RGS8: variants seen among roughly 807,000 people sequenced by gnomAD.
RGS8 encodes regulator of G protein signaling 8.
Under a neutral mutation model 21.7 loss-of-function variants are expected in RGS8, and 8 were observed. The observed-to-expected ratio is 0.37, with a 90% CI of 0.22 to 0.66. RGS8 has a LOEUF of 0.66. Among genes scored for constraint, RGS8 ranks in the 30% least tolerant of loss-of-function variants. The probability of loss-of-function intolerance (pLI) is 0.59; values close to 1 mark genes in which losing one functional copy is unlikely to be tolerated. For synonymous variants in RGS8, 80 were observed against 83.6 expected, an observed-to-expected ratio of 0.96 and a Z score of 0.24; for missense variants, 157 against 217.9, an observed-to-expected ratio of 0.72 and a Z score of 1.76.
intron 1 of RGS8, among the ~76,000 whole-genome samples, chr1:182,678,187 T>C (rs1472426003): frequency 1.3e-5 from 2 of 152,210 alleles, no homozygotes; most frequent in Non-Finnish European, 2.9e-5. Context: ...TATGCTATCA[T>C]GAACAGCTTC....
chr1:182,677,240 T>C (rs1218779252), upstream of RGS8, among the ~76,000 whole-genome samples: 1 of 152,180 alleles, frequency 6.6e-6, no homozygotes, highest in Non-Finnish European at 1.5e-5. Context: ...TCATCATGGA[T>C]AAAATGAAGA....
the RGS8 span, among the ~76,000 whole-genome samples, chr1:182,738,531 T>C: frequency 1.3e-5 from 2 of 152,246 alleles, no homozygotes; most frequent in Non-Finnish European, 2.9e-5. Context: ...GGTCAATTAT[T>C]TGGTGTTATT....
the RGS8 span, among the ~76,000 whole-genome samples, chr1:182,711,340 A>G: frequency 2.0e-4 from 31 of 152,110 alleles, no homozygotes; most frequent in Non-Finnish European, 3.4e-4. Context: ...ATACCAATCC[A>G]TTGTCTATCA....
At chr1:182,742,758 A>T in the RGS8 span, among the ~76,000 whole-genome samples, 1 of 151,986 alleles carries the variant, frequency 6.6e-6, no homozygotes, top group East Asian at 1.9e-4. Context: ...AGGGACAGGG[A>T]CAGGGACAGG....
At position 182,684,187 on chromosome 1, in the gene RGS8, G is replaced by A. The variant is rs1046183208; in HGVS notation, n.221+169C>T. 5.9e-5 allele frequency among the ~76,000 whole-genome samples: 9 copies of A among 152,306 alleles called. No homozygotes were observed. Among genetic ancestry groups the A allele is most frequent in the South Asian group, 2.1e-4 (1 of 4,828 alleles). Reference sequence around the variant, plus strand: ...CACCCTTGCTCCTGGCGGAGGTGGCGGGCTTAATAGCTCTGAGGAGTCAGA... The same window carrying A: ...CACCCTTGCTCCTGGCGGAGGTGGCAGGCTTAATAGCTCTGAGGAGTCAGA... On this transcript the variant is annotated intron_variant and non_coding_transcript_variant, in intron 1 of 4. Transcript: ENST00000515211. The surrounding 1 kb of genome is among the most constrained non-coding windows in gnomAD (Gnocchi z 4.2).
chr1:182,743,957 T>C, the RGS8 span, among the ~76,000 whole-genome samples: 1 of 152,216 alleles, frequency 6.6e-6, no homozygotes, highest in Non-Finnish European at 1.5e-5. Flanking sequence ...TACCTCTTCC[T>C]GAAACTATGT....
chr1:182,696,298 T>C, the RGS8 span, among the ~76,000 whole-genome samples: 42 of 152,332 alleles, frequency 2.8e-4, 2 homozygotes, highest in Admixed American at 5.9e-4. Flanking sequence ...AGTCTCTGTC[T>C]AGCTTTTTTA....
At chr1:182,685,216 G>C (rs1664673181), upstream of RGS8, among the ~76,000 whole-genome samples, 1 of 152,332 alleles carries the variant, frequency 6.6e-6, no homozygotes, top group Non-Finnish European at 1.5e-5. Flanking sequence ...GTGGCCAGAG[G>C]GTGGTGGTGG....
At chr1:182,673,006 A>T (rs1664236288), upstream of RGS8, 1 of 705,460 alleles carries the variant, frequency 1.4e-6, no homozygotes, top group Non-Finnish European at 2.5e-6. Flanking sequence ...TGGGGACAGT[A>T]ATCAGCCTTC....
At chr1:182,745,168 T>G in the RGS8 span, among the ~76,000 whole-genome samples, 2 of 152,184 alleles carry the variant, frequency 1.3e-5, no homozygotes. Context: ...AGAATTGGTC[T>G]GACCAAAATA....
chr1:182,669,695 G>T lies in RGS8; in HGVS notation c.-46C>A, dbSNP rs760645661. On this transcript the variant is annotated 5_prime_UTR_variant, in exon 3 of 7. Coordinates refer to ENST00000483095, the Ensembl canonical transcript of RGS8. ...AACCCTTGGGCTGGTATGCAGGGAC[G>T]TCAGGGCAGGAAATAAGACTGCGGG... The T allele has an allele frequency of 7.4e-6, 12 of 1,613,888 alleles. No homozygotes were observed. In the South Asian group the frequency reaches 1.3e-4, roughly 18 times the overall value.
In RGS8 at chr1:182,665,434, C is replaced by A. The variant is rs992771053; in HGVS notation, c.193+535G>T. On this transcript the variant is annotated intron_variant, in intron 5 of 6. Coordinates refer to ENST00000483095, the Ensembl canonical transcript of RGS8. ...AGGAAGGATAGCAGAAGTTGTATTC[C>A]AGTAAAATGTATACTCAGTAAGAAA... 2.6e-5 allele frequency among the ~76,000 whole-genome samples: 4 copies of A among 152,156 alleles called. No individual in the cohort carries two copies. In the South Asian group the frequency reaches 8.3e-4, roughly 32 times the overall value.
the RGS8 span, among the ~76,000 whole-genome samples, chr1:182,710,203 A>G: frequency 6.6e-6 from 1 of 152,154 alleles, no homozygotes; most frequent in Non-Finnish European, 1.5e-5. Context: ...TCCTCCTACA[A>G]ATAAGGTCCC....
At chr1:182,726,969 T>G in the RGS8 span, among the ~76,000 whole-genome samples, 71 of 152,146 alleles carry the variant, frequency 4.7e-4, no homozygotes, top group Non-Finnish European at 3.1e-4. Flanking sequence ...TCTGGGGCCA[T>G]GTACACCCGC....
exon 7 of RGS8, chr1:182,646,762 C>G (rs750501858): frequency 1.2e-6 from 2 of 1,613,852 alleles, no homozygotes; most frequent in Non-Finnish European, 1.7e-6. Flanking sequence ...GGCTTTGGGA[C>G]AGCAGATCTA....
At chr1:182,674,429 A>G (rs1429974050), upstream of RGS8, among the ~76,000 whole-genome samples, 2 of 152,218 alleles carry the variant, frequency 1.3e-5, no homozygotes, top group African/African-American at 2.4e-5. Context: ...GTGGACATGA[A>G]TAACACAAGG....
At chr1:182,733,854 A>C in the RGS8 span, 2 of 152,032 alleles carry the variant, frequency 1.3e-5, no homozygotes, top group Non-Finnish European at 2.9e-5. Flanking sequence ...TCAAAAGAAA[A>C]CACACAGCCC....
At chr1:182,671,989 T>C (rs747647111), upstream of RGS8, 18 of 1,198,722 alleles carry the variant, frequency 1.5e-5, no homozygotes, top group Non-Finnish European at 1.8e-5. Flanking sequence ...CCCATCCTCA[T>C]TGGCAGGATG....
the RGS8 span, among the ~76,000 whole-genome samples, chr1:182,708,874 T>G: frequency 6.6e-6 from 1 of 152,158 alleles, no homozygotes; most frequent in African/African-American, 2.4e-5. Context: ...GCTCCTAACA[T>G]CTGGTCGCTG....
Sources: gnomAD v4.1 joint callset for allele counts (sites outside exome capture counted in the v4.1 genomes callset) on GRCh38, gnomAD v4.1.1 for gene constraint, Gnocchi (gnomAD v3.1) non-coding constraint, MANE v1.5 for transcripts, NCBI Gene and HGNC (gene_info 2026-07-23, HGNC 2026-07-21) for gene names.